Variants in ARID2 observed in about 807,000 individuals in gnomAD.
The protein encoded by ARID2 is AT-rich interactive domain-containing protein 2.
In ARID2, 32 loss-of-function variants were observed where a neutral mutation model predicts 184.6. The ratio of observed to expected loss-of-function variants is 0.17; its 90% confidence interval spans 0.13 to 0.23. The LOEUF is 0.23. Among genes scored for constraint, ARID2 ranks in the 10% least tolerant of loss-of-function variants. The pLI is 1.00. For synonymous variants in ARID2, 836 were observed against 772.6 expected (o/e 1.08, Z -1.36); for missense variants, 1,696 against 2,197.6 (o/e 0.77, Z 4.56).
At chr12:45,819,240 C>G (rs988316873) in intron 5 of ARID2, among the ~76,000 whole-genome samples, 1 of 152,146 alleles carries the variant, frequency 6.6e-6, no homozygotes, top group Admixed American at 6.5e-5. Flanking sequence ...TTTGGGTGCT[C>G]TAAGACAAGA....
chr12:45,774,673 C>T (rs183601022), intron 3 of ARID2, among the ~76,000 whole-genome samples: 23 of 152,180 alleles, frequency 1.5e-4, no homozygotes, highest in East Asian at 5.8e-4. Context: ...AGTTTCTAAA[C>T]GTTTTTGTTA....
At chr12:45,737,420 GTCTTAAATTC>G (rs1026721373) in intron 3 of ARID2, among the ~76,000 whole-genome samples, 14 of 151,340 alleles carry the variant, frequency 9.3e-5, no homozygotes, top group African/African-American at 3.4e-4. Flanking sequence ...TCTTTAGACT[GTCTTAAATTC>G]TGGCTTTGAT....
At chr12:45,889,058 C>T (rs148422910) in intron 16 of ARID2, among the ~76,000 whole-genome samples, 417 of 152,130 alleles carry the variant, frequency 2.7e-3, no homozygotes, top group African/African-American at 8.9e-3. Context: ...TTGTGGTGCA[C>T]GTAATCCCAG....
chr12:45,860,463 A>G (rs951277118), intron 15 of ARID2, among the ~76,000 whole-genome samples: 5 of 152,120 alleles, frequency 3.3e-5, no homozygotes, highest in African/African-American at 1.2e-4. Flanking sequence ...ACATAAGTAA[A>G]TCCAATGGGT....
At chr12:45,755,004 G>A (rs1941539340) in intron 3 of ARID2, among the ~76,000 whole-genome samples, 1 of 152,162 alleles carries the variant, frequency 6.6e-6, no homozygotes, top group Non-Finnish European at 1.5e-5. Context: ...AAGGAAGATG[G>A]GGGACTTTTT....
At position 45,851,401 on chromosome 12, in the gene ARID2, C is replaced by G. The variant is rs2138170674; in HGVS notation, c.3278C>G (p.Pro1093Arg). 1 of 1,614,146 alleles carries G rather than the reference C, an allele frequency of 6.2e-7. No individual in the cohort carries two copies. Among genetic ancestry groups the G allele is most frequent in the East Asian group, 2.2e-5 (1 of 44,886 alleles). ...QIPPPNNARA[P>R]SPQVVYQVAS... Reference sequence around the variant, plus strand: ...CCTCCCCCTAATAATGCAAGAGCTCCTAGCCCTCAGGTGGTCTATCAGGTG... The same window carrying G: ...CCTCCCCCTAATAATGCAAGAGCTCGTAGCCCTCAGGTGGTCTATCAGGTG... The change falls in exon 15 of 21, where the codon CCT becomes CGT. Residue 1093 changes from proline to arginine, a missense_variant. Pro to Arg is a moderately radical substitution (Grantham distance 103). Around this residue, in one of 11 missense-constraint regions of ARID2, gnomAD observed 713 missense variants for 824.4 expected, o/e 0.86. Transcript: ENST00000334344.
At chr12:45,764,620 A>G (rs1374170841) in intron 3 of ARID2, among the ~76,000 whole-genome samples, 2 of 152,214 alleles carry the variant, frequency 1.3e-5, no homozygotes, top group African/African-American at 4.8e-5. Flanking sequence ...TACTGTATGA[A>G]GCCTTTTAAG....
intron 3 of ARID2, among the ~76,000 whole-genome samples, chr12:45,810,520 A>G (rs1942687568): frequency 6.6e-6 from 1 of 152,220 alleles, no homozygotes; most frequent in African/African-American, 2.4e-5. Flanking sequence ...AAAACTGAAA[A>G]TACCCTAAAT....
chr12:45,876,630 A>T (rs1173328888), intron 16 of ARID2, among the ~76,000 whole-genome samples: 1 of 152,008 alleles, frequency 6.6e-6, no homozygotes, highest in Non-Finnish European at 1.5e-5. Context: ...TGACATCAAG[A>T]TCACTGATCA....
chr12:45,845,315 A>T (rs757936120), intron 11 of ARID2, among the ~76,000 whole-genome samples: 1 of 152,178 alleles, frequency 6.6e-6, no homozygotes, highest in South Asian at 2.1e-4. Flanking sequence ...AATATCGTCA[A>T]CTTAGAAGGG....
chr12:45,771,383 G>A (rs1194515116), intron 3 of ARID2, among the ~76,000 whole-genome samples: 1 of 151,556 alleles, frequency 6.6e-6, no homozygotes, highest in Non-Finnish European at 1.5e-5. Flanking sequence ...AGCAATTGTG[G>A]GCTGGGTATG....
At chr12:45,797,004 A>G (rs1942403426) in intron 3 of ARID2, among the ~76,000 whole-genome samples, 1 of 152,170 alleles carries the variant, frequency 6.6e-6, no homozygotes, top group African/African-American at 2.4e-5. Flanking sequence ...AGTTTTTCAA[A>G]CACATTTCAC....
rs2138164980 is a variant in ARID2 at position 45,850,769 on chromosome 12, T to G, written c.2646T>G (p.Gly882=). ...CAGGACAAATGGTTACTATTGCTGG[T>G]GTCCCAAGTCCACAAGCCTCAAGGG... ...VATGQMVTIA[G]VPSPQASRVG... The change falls in exon 15 of 21, where the codon GGT becomes GGG. Residue 882 remains glycine (G), a synonymous_variant. Coordinates refer to ENST00000334344, the MANE Select transcript of ARID2 (RefSeq NM_152641.4). 1 of 1,614,110 alleles carries G rather than the reference T, an allele frequency of 6.2e-7. No homozygotes were observed. Among genetic ancestry groups the G allele is most frequent in the Non-Finnish European group, 8.5e-7 (1 of 1,179,996 alleles).
chr12:45,828,417 A>G (rs542786322), intron 6 of ARID2, among the ~76,000 whole-genome samples: 3 of 152,214 alleles, frequency 2.0e-5, no homozygotes, highest in East Asian at 1.9e-4. Context: ...TAATTTTGCT[A>G]TGAAGGGTTT....
chr12:45,806,203 A>AT (rs540116694), intron 3 of ARID2, among the ~76,000 whole-genome samples: 1,497 of 145,818 alleles, frequency 0.01, 23 homozygotes, highest in South Asian at 0.072. Context: ...GTTCTGTGTA[A>AT]TTTTTTTTTT....
chr12:45,812,144 G>T (rs1207566833), intron 4 of ARID2, among the ~76,000 whole-genome samples: 1 of 151,534 alleles, frequency 6.6e-6, no homozygotes, highest in Non-Finnish European at 1.5e-5. Context: ...GGACTGTGAT[G>T]ACTAGGAAGA....
chr12:45,760,838 T>G (rs1166473305), intron 3 of ARID2, among the ~76,000 whole-genome samples: 1 of 152,088 alleles, frequency 6.6e-6, no homozygotes, highest in African/African-American at 2.4e-5. Flanking sequence ...TTATTTTGGA[T>G]TTTTAACTTA....
intron 16 of ARID2, among the ~76,000 whole-genome samples, chr12:45,886,468 C>T (rs959927064): frequency 2.0e-5 from 3 of 152,190 alleles, no homozygotes; most frequent in Non-Finnish European, 4.4e-5. Context: ...ATCTACCATT[C>T]TGGGGTCTGG....
At chr12:45,818,011 TA>T (rs1942837373) in intron 5 of ARID2, 123 bp downstream of exon 5, 1 of 692,446 alleles carries the variant, frequency 1.4e-6, no homozygotes, top group Admixed American at 3.5e-5. Flanking sequence ...GTTTTTATAT[TA>T]TGCATTATTT....
Sources: gnomAD v4.1 joint callset for allele counts (sites outside exome capture counted in the v4.1 genomes callset) on GRCh38, gnomAD v4.1.1 for gene constraint, gnomAD v4.1.1 regional missense constraint, MANE v1.5 for transcripts, NCBI Gene and HGNC (gene_info 2026-07-23, HGNC 2026-07-21) for gene names.